Variants in TRABD2A observed in about 807,000 individuals in gnomAD.
TRABD2A encodes TraB domain containing 2A.
TRABD2A carries 43 observed loss-of-function variants against 45.6 expected under a neutral mutation model. That is an observed-to-expected ratio of 0.94 (90% CI 0.74 to 1.22). The LOEUF is 1.22. Ranked by LOEUF, TRABD2A falls within the 50% of genes most tolerant of loss-of-function variation. The pLI, the probability that TRABD2A is intolerant of heterozygous loss-of-function variation, is 0.00. For missense variants in TRABD2A, 642 were observed against 652.4 expected, an observed-to-expected ratio of 0.98 and a Z score of 0.17; for synonymous variants, 269 against 265.0, an observed-to-expected ratio of 1.02 and a Z score of -0.15.
At chr2:84,848,181 G>A (rs868291167) in intron 2 of TRABD2A, among the ~76,000 whole-genome samples, 4 of 152,212 alleles carry the variant, frequency 2.6e-5, no homozygotes, top group Middle Eastern at 6.8e-3. Context: ...CGATCTCAGC[G>A]TTCCTTTTTT....
intron 2 of TRABD2A, among the ~76,000 whole-genome samples, chr2:84,864,609 G>A (rs1053251937): frequency 2.0e-5 from 3 of 152,110 alleles, no homozygotes; most frequent in South Asian, 2.1e-4. Context: ...TCTGCTTCCA[G>A]ATGGGCCTCT....
At chr2:84,831,011 G>T (rs929181852) in intron 5 of TRABD2A, among the ~76,000 whole-genome samples, 42 of 152,170 alleles carry the variant, frequency 2.8e-4, no homozygotes, top group Admixed American at 6.5e-5. Context: ...CAGAGGAATG[G>T]AGGGGATATT....
intron 1 of TRABD2A, 35 bp from the exon 2 acceptor site, chr2:84,870,820 TG>T: frequency 6.6e-7 from 1 of 1,513,580 alleles, no homozygotes; most frequent in Non-Finnish European, 8.9e-7. Flanking sequence ...AGGTATAATA[TG>T]GGGGAGAGGC....
chr2:84,864,339 C>T (rs957170539), intron 2 of TRABD2A, among the ~76,000 whole-genome samples: 6 of 151,974 alleles, frequency 3.9e-5, no homozygotes, highest in Non-Finnish European at 8.8e-5. Context: ...CAACTGCAGG[C>T]TTTTTGCAAG....
chr2:84,839,275 C>T lies in TRABD2A; in HGVS notation c.865G>A (p.Ala289Thr), dbSNP rs776072229. 2.8e-5 allele frequency: 45 copies of T among 1,613,628 alleles called. No homozygotes were observed. In the South Asian group the frequency reaches 4.8e-4, roughly 17 times the overall value. ...CGTAAGTAGCTGTCAATCTCCTGAG[C>T]AGTGATGCGCTCCTGAGGTGGTAGC... is the stretch of plus-strand genomic sequence containing the variant. ...ATLPPQERIT[A>T]QEIDSYLRRE... The change falls in exon 4 of 7, where the codon GCT (alanine) becomes ACT (threonine). Residue 289 changes from alanine to threonine, a missense_variant. Coordinates refer to ENST00000409520, the MANE Select transcript of TRABD2A (RefSeq NM_001277053.2).
intron 2 of TRABD2A, among the ~76,000 whole-genome samples, chr2:84,850,129 C>T (rs1341281651): frequency 6.6e-6 from 1 of 152,124 alleles, no homozygotes; most frequent in African/African-American, 2.4e-5. Context: ...CAAAAAATTG[C>T]CAGGTAGCAA....
At position 84,870,440 on chromosome 2, in the gene TRABD2A, G is replaced by T; in HGVS notation, c.454C>A (p.Leu152Ile). 6.2e-7 allele frequency: 1 copy of T among 1,614,068 alleles called. No homozygotes were observed. Residue 152 changes from leucine to isoleucine, a missense_variant, in exon 2 of 7, where the codon CTC becomes ATC. By Grantham distance (5) the Leu-to-Ile change is conservative. Coordinates refer to ENST00000409520, the MANE Select transcript of TRABD2A (RefSeq NM_001277053.2). ...CAGTTTCCGGCAATAGCATTGAAGA[G>T]GTAGTCTGCGTAGAGCCCCTTGCCG... is the stretch of plus-strand genomic sequence containing the variant. ...QRGKGLYADY[L>I]FNAIAGNWER...
intron 4 of TRABD2A, chr2:84,838,155 C>A (rs1681583889): frequency 2.8e-6 from 2 of 702,206 alleles, no homozygotes; most frequent in Non-Finnish European, 5.3e-6. Flanking sequence ...ACTTTGAACC[C>A]ATTCTGTCCC....
intron 2 of TRABD2A, 137 bp from the exon 3 acceptor site, chr2:84,842,144 G>A: frequency 2.2e-6 from 2 of 906,248 alleles, no homozygotes; most frequent in South Asian, 4.6e-5. Flanking sequence ...TTAAAAAAGG[G>A]AACACAAATC....
intron 2 of TRABD2A, among the ~76,000 whole-genome samples, chr2:84,865,947 C>T (rs1573949365): frequency 6.6e-6 from 1 of 152,248 alleles, no homozygotes; most frequent in Non-Finnish European, 1.5e-5. Context: ...CAGTACCAAG[C>T]AGGCATGAAC....
chr2:84,823,546 G>C (rs116682389), intron 6 of TRABD2A, among the ~76,000 whole-genome samples: 2 of 152,132 alleles, frequency 1.3e-5, no homozygotes, highest in East Asian at 3.9e-4. Flanking sequence ...GTAGGGTCAC[G>C]ACCCTTCCCT....
chr2:84,823,829 C>T, intron 6 of TRABD2A, 124 bp downstream of exon 6: 1 of 1,354,256 alleles, frequency 7.4e-7, no homozygotes, highest in South Asian at 1.5e-5. Context: ...TGCCTGGGGT[C>T]ATGAGGAAAG....
chr2:84,870,348 G>C lies in TRABD2A; in HGVS notation c.546C>G (p.Ser182=). The change falls in exon 2 of 7, where the codon TCC becomes TCG. Residue 182 remains serine, a synonymous_variant. Transcript: ENST00000409520. ...VNSLTEVDIK[S]RGVPVLDLFL... ...ACAGGTCTAAGACAGGCACTCCACG[G>C]GACTTAATGTCCACTTCAGTCAGGG... is the stretch of plus-strand genomic sequence containing the variant. 1 of 1,613,974 alleles carries C rather than the reference G, an allele frequency of 6.2e-7. No homozygotes were observed. The highest frequency in any genetic ancestry group is 1.1e-5 in the South Asian group (1 of 91,086).
chr2:84,865,749 C>T (rs1044276710), intron 2 of TRABD2A, among the ~76,000 whole-genome samples: 3 of 152,114 alleles, frequency 2.0e-5, no homozygotes, highest in Admixed American at 1.3e-4. Flanking sequence ...TCCCTATGCC[C>T]GGAGCCTGTC....
chr2:84,840,855 C>G (rs961187444), intron 3 of TRABD2A, among the ~76,000 whole-genome samples: 2 of 152,132 alleles, frequency 1.3e-5, no homozygotes, highest in Admixed American at 1.3e-4. Flanking sequence ...TGGGGATGCT[C>G]CTTACATCTT....
chr2:84,838,041 G>A (rs1681581554), intron 4 of TRABD2A: 1 of 569,058 alleles, frequency 1.8e-6, no homozygotes, highest in Non-Finnish European at 3.2e-6. Context: ...CACAGAGCAA[G>A]CTCTGAGTCA....
intron 6 of TRABD2A, 79 bp from the exon 7 acceptor site, chr2:84,822,179 C>A: frequency 7.9e-7 from 1 of 1,273,610 alleles, no homozygotes; most frequent in Middle Eastern, 2.7e-4. Context: ...AATGCCCACA[C>A]AGCTTCTCTT....
chr2:84,857,791 T>C (rs1314377882), intron 2 of TRABD2A, among the ~76,000 whole-genome samples: 1 of 152,188 alleles, frequency 6.6e-6, no homozygotes, highest in African/African-American at 2.4e-5. Context: ...GCCAGGTAGA[T>C]GGGTGTCTCC....
At chr2:84,848,371 TAGATAGAC>T (rs1452531415) in intron 2 of TRABD2A, among the ~76,000 whole-genome samples, 6,543 of 106,074 alleles carry the variant, frequency 0.062, 187 homozygotes, top group East Asian at 0.19. Context: ...GATAGATAGA[TAGATAGAC>T]AGACAGACAG....
Sources: gnomAD v4.1 joint callset for allele counts (sites outside exome capture counted in the v4.1 genomes callset) on GRCh38, gnomAD v4.1.1 for gene constraint, MANE v1.5 for transcripts, NCBI Gene and HGNC (gene_info 2026-07-23, HGNC 2026-07-21) for gene names.